Variants in RALYL observed in about 807,000 individuals in gnomAD.
RALYL encodes RNA-binding Raly-like protein.
In RALYL, 29 loss-of-function variants were observed where a neutral mutation model predicts 35.1. That is an observed-to-expected ratio of 0.83 (90% CI 0.61 to 1.13). The LOEUF (loss-of-function observed/expected upper bound fraction) is 1.13, where lower values mean the gene tolerates loss of function less well. RALYL is among the 50% of genes most tolerant of loss of function. RALYL has a pLI of 0.00. For missense variants in RALYL, 359 were observed against 360.4 expected (o/e 1.00, Z 0.03); for synonymous variants, 120 against 127.6 (o/e 0.94, Z 0.40).
chr8:84,811,120 A>G (rs1409825406), intron 4 of RALYL, among the ~76,000 whole-genome samples: 2 of 151,288 alleles, frequency 1.3e-5, no homozygotes, highest in African/African-American at 4.9e-5. Flanking sequence ...TGTGTGATTT[A>G]TGCTTTAAAG....
intron 1 of RALYL, among the ~76,000 whole-genome samples, chr8:84,458,930 A>C (rs1311876697): frequency 6.6e-6 from 1 of 151,764 alleles, no homozygotes; most frequent in African/African-American, 2.4e-5. Context: ...TTTTTTATTT[A>C]AATGAAATGA....
At chr8:84,526,562 A>C (rs1020272650) in intron 1 of RALYL, among the ~76,000 whole-genome samples, 4 of 152,152 alleles carry the variant, frequency 2.6e-5, no homozygotes, top group Non-Finnish European at 4.4e-5. Flanking sequence ...CAGCCTCGTG[A>C]AATTATAGCG....
At chr8:84,239,103 A>T (rs926405233) in intron 1 of RALYL, among the ~76,000 whole-genome samples, 1 of 152,208 alleles carries the variant, frequency 6.6e-6, no homozygotes, top group Non-Finnish European at 1.5e-5. Flanking sequence ...GCTTGAGGCT[A>T]CATAACCACA....
intron 1 of RALYL, among the ~76,000 whole-genome samples, chr8:84,212,518 A>G (rs1178982638): frequency 6.6e-6 from 1 of 152,200 alleles, no homozygotes; most frequent in African/African-American, 2.4e-5. Flanking sequence ...TAAAATGAGA[A>G]CACACATTGA....
intron 2 of RALYL, among the ~76,000 whole-genome samples, chr8:84,694,782 A>C (rs1838796199): frequency 6.6e-6 from 1 of 151,830 alleles, no homozygotes; most frequent in Non-Finnish European, 1.5e-5. Flanking sequence ...TTATTGTCTT[A>C]TGATATGTTC....
At chr8:84,286,113 T>A (rs1291252145) in intron 1 of RALYL, among the ~76,000 whole-genome samples, 1 of 152,034 alleles carries the variant, frequency 6.6e-6, no homozygotes, top group Non-Finnish European at 1.5e-5. Flanking sequence ...GTTTATGGTA[T>A]GAGAGAAAGA....
At chr8:84,897,483 A>C (rs1358382756) in intron 8 of RALYL, among the ~76,000 whole-genome samples, 1 of 152,170 alleles carries the variant, frequency 6.6e-6, no homozygotes, top group Non-Finnish European at 1.5e-5. Context: ...CAGCACATTC[A>C]ATTCAAAACA....
At chr8:84,547,850 A>G (rs1446535231) in intron 2 of RALYL, among the ~76,000 whole-genome samples, 1 of 152,076 alleles carries the variant, frequency 6.6e-6, no homozygotes, top group Non-Finnish European at 1.5e-5. Context: ...ATGGGTCCTT[A>G]CCCAGGTTTC....
chr8:84,212,181 T>G (rs759485474), intron 1 of RALYL, among the ~76,000 whole-genome samples: 3 of 152,208 alleles, frequency 2.0e-5, no homozygotes, highest in Non-Finnish European at 2.9e-5. Context: ...TTAATAATTC[T>G]GAATATACAT....
At chr8:84,426,933 G>A (rs931054928) in intron 1 of RALYL, among the ~76,000 whole-genome samples, 1 of 152,098 alleles carries the variant, frequency 6.6e-6, no homozygotes, top group Admixed American at 6.5e-5. Context: ...ACTACCATAT[G>A]ATCTTATGGG....
intron 2 of RALYL, among the ~76,000 whole-genome samples, chr8:84,709,727 T>C (rs761738661): frequency 6.6e-6 from 1 of 152,136 alleles, no homozygotes; most frequent in Admixed American, 6.5e-5. Context: ...CACTACTTTC[T>C]TCTCTTCCTG....
intron 1 of RALYL, among the ~76,000 whole-genome samples, chr8:84,433,298 C>G (rs899562757): frequency 6.6e-6 from 1 of 152,110 alleles, no homozygotes; most frequent in Non-Finnish European, 1.5e-5. Flanking sequence ...GCAATCAGAT[C>G]AGTATTTAGG....
chr8:84,209,150 G>GA (rs1818815745), intron 1 of RALYL, among the ~76,000 whole-genome samples: 1 of 100,918 alleles, frequency 9.9e-6, no homozygotes, highest in Non-Finnish European at 2.2e-5. Context: ...AAAAAGAAAA[G>GA]AAAAGAAAAA....
intron 2 of RALYL, among the ~76,000 whole-genome samples, chr8:84,588,583 C>T (rs571089946): frequency 6.6e-6 from 1 of 152,258 alleles, no homozygotes; most frequent in African/African-American, 2.4e-5. Flanking sequence ...AATGCTCAGC[C>T]AGTATTAATG....
intron 1 of RALYL, among the ~76,000 whole-genome samples, chr8:84,435,841 T>A (rs2047654374): frequency 6.6e-6 from 1 of 152,144 alleles, no homozygotes; most frequent in East Asian, 1.9e-4. Context: ...CAGTCTTTCC[T>A]ACTCACCCTA....
chr8:84,224,344 T>A (rs376138189), intron 1 of RALYL, among the ~76,000 whole-genome samples: 6 of 152,162 alleles, frequency 3.9e-5, no homozygotes, highest in African/African-American at 1.4e-4. Flanking sequence ...GTGCATACCT[T>A]GAGGCTCACT....
At chr8:84,552,874 A>C (rs1323502733) in intron 2 of RALYL, among the ~76,000 whole-genome samples, 4 of 152,082 alleles carry the variant, frequency 2.6e-5, no homozygotes. Flanking sequence ...TTATATTAAG[A>C]TCCTTAAAAT....
intron 2 of RALYL, among the ~76,000 whole-genome samples, chr8:84,564,177 T>G (rs1356414796): frequency 6.6e-6 from 1 of 151,784 alleles, no homozygotes; most frequent in Non-Finnish European, 1.5e-5. Flanking sequence ...AAATATAAGT[T>G]AGCTCTGCCT....
chr8:84,775,117 CATT>C (rs746798455), intron 3 of RALYL, among the ~76,000 whole-genome samples: 19 of 151,580 alleles, frequency 1.3e-4, no homozygotes, highest in South Asian at 2.1e-4. Context: ...ACCCAGCTAT[CATT>C]ATTATTATTA....
Sources: allele counts gnomAD v4.1 joint callset (sites outside exome capture counted in the v4.1 genomes callset), GRCh38; gene constraint gnomAD v4.1.1; transcripts MANE v1.5; gene names NCBI Gene and HGNC (gene_info 2026-07-23, HGNC 2026-07-21).